COL5A1: variants seen among roughly 807,000 people sequenced by gnomAD.
COL5A1 encodes collagen type V alpha 1 chain, also known as collagen alpha-1(V) chain.
Under a neutral mutation model 263.7 loss-of-function variants are expected in COL5A1, and 16 were observed. That is an observed-to-expected ratio of 0.06 (90% CI 0.04 to 0.09). The LOEUF is 0.09. COL5A1 is among the 10% of genes least tolerant of loss of function. The probability of loss-of-function intolerance (pLI) is 1.00; values close to 1 mark genes in which losing one functional copy is unlikely to be tolerated. For missense variants in COL5A1, 2,036 were observed against 2,540.5 expected (o/e 0.80, Z 4.27); for synonymous variants, 1,012 against 1,004.5 (o/e 1.01, Z -0.14).
intron 63 of COL5A1, 43 bp from the exon 64 acceptor site, chr9:134,829,933 T>G (rs1839530163): frequency 1.3e-6 from 2 of 1,591,358 alleles, no homozygotes; most frequent in South Asian, 1.1e-5. Context: ...GTAACCCTTT[T>G]GTTCTGTTTC....
intron 65 of COL5A1, among the ~76,000 whole-genome samples, chr9:134,837,323 C>A (rs1196588061): frequency 2.0e-5 from 3 of 152,112 alleles, no homozygotes; most frequent in Non-Finnish European, 4.4e-5. Flanking sequence ...AGAGGAACAG[C>A]TTTCCAGAGA....
In COL5A1 at chr9:134,652,615, C is replaced by T. The variant is rs2132475406; in HGVS notation, c.109+10319C>T. The T allele has an allele frequency of 2.2e-6, 1 of 460,108 alleles. No homozygotes were observed. Among genetic ancestry groups the T allele is most frequent in the African/African-American group, 2.0e-5 (1 of 50,004 alleles). 28.5% of individuals were successfully genotyped at this position (460,108 alleles called of 1,614,324 possible). On this transcript the variant is annotated intron_variant, in intron 1 of 65. Transcript: ENST00000371817. The surrounding 1 kb of genome is among the most constrained non-coding windows in gnomAD (Gnocchi z 4.4). ...GGATGCTGCTCTGCACCCCACAGTG[C>T]ACGGGACAGCCCCCACCAAAAAGAC... is the stretch of plus-strand genomic sequence containing the variant.
At chr9:134,790,396 A>G (rs1468003896) in intron 32 of COL5A1, among the ~76,000 whole-genome samples, 5 of 13,178 alleles carry the variant, frequency 3.8e-4, no homozygotes, top group Non-Finnish European at 5.7e-4. Flanking sequence ...CCACCCACCC[A>G]CCCACCCAGC....
At chr9:134,730,005 G>T (rs1008244866) in intron 6 of COL5A1, among the ~76,000 whole-genome samples, 1 of 152,202 alleles carries the variant, frequency 6.6e-6, no homozygotes, top group Non-Finnish European at 1.5e-5. Context: ...TTCTGAGCAC[G>T]CTTAGTAACT....
intron 21 of COL5A1, 50 bp from the exon 22 acceptor site, chr9:134,766,404 G>A (rs1328239560): frequency 1.3e-6 from 2 of 1,586,812 alleles, no homozygotes; most frequent in Non-Finnish European, 1.7e-6. Context: ...TGAGCACTGT[G>A]AGTTCTTTCG....
In COL5A1 at chr9:134,810,320, C is replaced by T. The variant is rs927953209; in HGVS notation, c.3528+12C>T. 23 of 1,613,402 alleles carry T rather than the reference C, an allele frequency of 1.4e-5. No homozygotes were observed. Among genetic ancestry groups the T allele is most frequent in the Non-Finnish European group, 1.9e-5 (22 of 1,179,402 alleles). ...ACAAAGGAGAACAGGTAAGTATTGG[C>T]ACGGGGGCGCGCGGCAGCCCCCAGG... On this transcript the variant is annotated intron_variant, in intron 44 of 65. Coordinates refer to ENST00000371817, the MANE Select transcript of COL5A1 (RefSeq NM_000093.5).
chr9:134,797,468 C>T (rs147682230), intron 36 of COL5A1, among the ~76,000 whole-genome samples: 276 of 147,100 alleles, frequency 1.9e-3, no homozygotes, highest in African/African-American at 6.5e-3. Flanking sequence ...CTGTGTCTCT[C>T]TGTCTTCTAA....
Position 134,820,105 on chromosome 9 carries a change from T to A in COL5A1, c.4447-11T>A, listed in dbSNP as rs539781494. 6.2e-7 allele frequency: 1 copy of A among 1,610,798 alleles called. No homozygotes were observed. Among genetic ancestry groups the A allele is most frequent in the South Asian group, 1.1e-5 (1 of 91,030 alleles). ...CCTCAAATGCCCCTTCCTGTCTTCA[T>A]TTTCCCACAGGGTCATCCAGGCCTG... On this transcript the variant is annotated splice_polypyrimidine_tract_variant and intron_variant, in intron 57 of 65. Transcript: ENST00000371817.
chr9:134,795,056 CT>C, intron 32 of COL5A1, 25 bp from the exon 33 acceptor site: 1 of 1,613,000 alleles, frequency 6.2e-7, no homozygotes, highest in Admixed American at 1.7e-5. Flanking sequence ...TAGAGAGTGA[CT>C]GACCAGCCCC....
At chr9:134,774,281 C>T (rs905183634) in intron 26 of COL5A1, among the ~76,000 whole-genome samples, 3 of 152,196 alleles carry the variant, frequency 2.0e-5, no homozygotes, top group African/African-American at 7.2e-5. Context: ...GAGCTCCAGC[C>T]GCTGCCGTGA....
At chr9:134,759,698 GCACA>G (rs1588512982) in intron 18 of COL5A1, among the ~76,000 whole-genome samples, 3 of 36,424 alleles carry the variant, frequency 8.2e-5, no homozygotes, top group African/African-American at 3.4e-4. Context: ...ATACACATAT[GCACA>G]CATGCACACA....
At position 134,814,034 on chromosome 9, in the gene COL5A1, C is replaced by A. The variant is rs1210610221; in HGVS notation, c.3904C>A (p.Pro1302Thr). ...TGGCCTTCCGGGAGAAGGCGGCCCCCCGGTGAGTGAGCGGGCGCTGCGGGA... is the reference window on the plus strand; with the variant it reads ...TGGCCTTCCGGGAGAAGGCGGCCCCACGGTGAGTGAGCGGGCGCTGCGGGA... Reference protein sequence around the residue: ...EPGLPGEGGPPGPKGERGEKG... With the variant: ...EPGLPGEGGPTGPKGERGEKG... Residue 1302 changes from proline (P) to threonine (T), a missense_variant and splice_region_variant, in exon 49 of 66, where the codon CCG (proline) becomes ACG (threonine). By Grantham distance (38) the Pro-to-Thr change is conservative. This residue lies in a region of COL5A1 where 1,078 missense variants were observed against 1,521.4 expected (regional missense o/e 0.71). Transcript: ENST00000371817. 1 of 1,550,754 alleles carries A rather than the reference C, an allele frequency of 6.4e-7. No homozygotes were observed.
intron 65 of COL5A1, among the ~76,000 whole-genome samples, chr9:134,835,615 C>T (rs1432144918): frequency 6.6e-6 from 1 of 152,212 alleles, no homozygotes; most frequent in African/African-American, 2.4e-5. Context: ...AGAGCACGGC[C>T]GTCTGGAAAC....
chr9:134,823,614 CG>C, intron 61 of COL5A1, 145 bp downstream of exon 61: 1 of 802,276 alleles, frequency 1.2e-6, no homozygotes, highest in Non-Finnish European at 2.0e-6. Context: ...CGCACGCAGC[CG>C]GGGAAATGAG....
chr9:134,667,493 G>C (rs1832395817), intron 1 of COL5A1, among the ~76,000 whole-genome samples: 1 of 152,184 alleles, frequency 6.6e-6, no homozygotes, highest in South Asian at 2.1e-4. Flanking sequence ...CTCCAGCCCT[G>C]CCAGCACCAC....
Position 134,809,872 on chromosome 9 carries a change from G to A in COL5A1, c.3475-383G>A, listed in dbSNP as rs377274195. Among the ~76,000 whole-genome samples the A allele has an allele frequency of 4.0e-3, 607 of 152,258 alleles. 16 individuals carry two copies. Among genetic ancestry groups the A allele is most frequent in the South Asian group, 0.014 (68 of 4,826 alleles). The stretch of plus-strand genomic sequence containing the variant: ...TGGATAATGCCTTACATCTCCGGGC[G>A]GGAGACAGCCTTGCACCGACAGGAA... On this transcript the variant is annotated intron_variant, in intron 43 of 65. Coordinates refer to ENST00000371817, the MANE Select transcript of COL5A1 (RefSeq NM_000093.5).
chr9:134,819,040 C>T lies in COL5A1; in HGVS notation c.4433C>T (p.Pro1478Leu), dbSNP rs377062537. The change falls in exon 57 of 66, where the codon CCC (proline) becomes CTC (leucine). Residue 1478 changes from proline to leucine, a missense_variant. Physicochemically the swap from Pro to Leu is moderately conservative, Grantham distance 98 (BLOSUM62 -3). Transcript: ENST00000371817. ...CCCGGCCTCAAAGGAGATTCTGGTCCCAAAGGTGAAAAGGTAAGAGGGGCC... is the reference window on the plus strand; with the variant it reads ...CCCGGCCTCAAAGGAGATTCTGGTCTCAAAGGTGAAAAGGTAAGAGGGGCC... ...GLPGLKGDSG[P>L]KGEKGHPGLI... 2.2e-5 allele frequency: 35 copies of T among 1,613,328 alleles called. No homozygotes were observed. The African/African-American group carries it at 4.3e-4, about 20-fold the overall frequency.
Position 134,735,443 on chromosome 9 carries a change from G to A in COL5A1, c.1390-3031G>A, listed in dbSNP as rs551898348. Among the ~76,000 whole-genome samples, 421 of 149,366 alleles carry A rather than the reference G, an allele frequency of 2.8e-3. 1 individual carries two copies. Among genetic ancestry groups the A allele is most frequent in the African/African-American group, 1.0e-2 (409 of 41,056 alleles). On this transcript the variant is annotated intron_variant, in intron 9 of 65. Transcript: ENST00000371817. ...TTTCCTCTCGTTCCTCTTTCGCTGG[G>A]TCAATTTTGAGAGTGGCGTCCGTGG...
rs771258787 is a variant in COL5A1, at chr9:134,756,754, C to T, written c.1828-11C>T. ...TCTTTTGCATTGACGGTTTTGCCTC[C>T]TTTGTTCCAGGGTCGGGCTGGGAGT... On this transcript the variant is annotated splice_polypyrimidine_tract_variant and intron_variant, in intron 16 of 65. Transcript: ENST00000371817. 3.7e-6 allele frequency: 6 copies of T among 1,614,046 alleles called. No individual in the cohort carries two copies. Among genetic ancestry groups the T allele is most frequent in the Non-Finnish European group, 5.1e-6 (6 of 1,179,994 alleles).
Sources: gnomAD v4.1 joint callset for allele counts (sites outside exome capture counted in the v4.1 genomes callset) on GRCh38, gnomAD v4.1.1 for gene constraint, gnomAD v4.1.1 regional missense constraint, Gnocchi (gnomAD v3.1) non-coding constraint, MANE v1.5 for transcripts, NCBI Gene and HGNC (gene_info 2026-07-23, HGNC 2026-07-21) for gene names.